PXDNL: variants seen among roughly 807,000 people sequenced by gnomAD.
The protein encoded by PXDNL is probable oxidoreductase PXDNL.
Under a neutral mutation model 150.8 loss-of-function variants are expected in PXDNL, and 145 were observed. That is an observed-to-expected ratio of 0.96 (90% confidence interval 0.84 to 1.10). The LOEUF is 1.10. Ranked by LOEUF, PXDNL falls within the 50% of genes least tolerant of loss-of-function variation. PXDNL has a pLI of 0.00. For synonymous variants in PXDNL, 757 were observed against 725.7 expected (o/e 1.04, Z -0.69); for missense variants, 2,087 against 1,873.9 (o/e 1.11, Z -2.10).
intron 5 of PXDNL, among the ~76,000 whole-genome samples, chr8:51,494,746 T>C (rs1811003499): frequency 2.0e-5 from 3 of 151,976 alleles, no homozygotes; most frequent in South Asian, 4.1e-4. Flanking sequence ...TAAATATATA[T>C]GCACCCAATA....
intron 17 of PXDNL, among the ~76,000 whole-genome samples, chr8:51,400,939 C>G (rs1808228443): frequency 6.6e-6 from 1 of 152,142 alleles, no homozygotes; most frequent in Admixed American, 6.6e-5. Context: ...GAATAATTTT[C>G]AAATCAAAGC....
At chr8:51,712,465 T>C (rs531637507) in intron 1 of PXDNL, among the ~76,000 whole-genome samples, 1 of 152,242 alleles carries the variant, frequency 6.6e-6, no homozygotes, top group African/African-American at 2.4e-5. Context: ...TTTCTCTCTC[T>C]GCTAAAATGT....
chr8:51,482,176 A>G (rs1279681966), intron 6 of PXDNL, among the ~76,000 whole-genome samples: 1 of 152,230 alleles, frequency 6.6e-6, no homozygotes, highest in Non-Finnish European at 1.5e-5. Flanking sequence ...ATGGGAGCCC[A>G]TCTCTTCCAT....
chr8:51,512,049 T>C (rs1439260696), intron 4 of PXDNL, among the ~76,000 whole-genome samples: 1 of 152,160 alleles, frequency 6.6e-6, no homozygotes, highest in Admixed American at 6.5e-5. Context: ...CCGTGAACAA[T>C]GCTCGACAGA....
chr8:51,689,729 C>T (rs940397237), intron 1 of PXDNL, among the ~76,000 whole-genome samples: 3 of 152,090 alleles, frequency 2.0e-5, no homozygotes, highest in Admixed American at 6.5e-5. Flanking sequence ...ACTTTGATTC[C>T]GGTAATATAA....
Position 51,540,115 on chromosome 8 carries a change from C to T in PXDNL, c.380+16725G>A, listed in dbSNP as rs7005112. On this transcript the variant is annotated intron_variant, in intron 4 of 22. Coordinates refer to ENST00000356297, the MANE Select transcript of PXDNL (RefSeq NM_144651.5). ...ATTTCTCCATGTTGGCCAGGCTGGT[C>T]TCGAACTCCTGGCCTCAAGTGATCC... is the stretch of plus-strand genomic sequence containing the variant. Among the ~76,000 whole-genome samples, 1,023 of 152,170 alleles carry T rather than the reference C, an allele frequency of 6.7e-3. 8 individuals carry two copies. The highest frequency in any genetic ancestry group is 0.024 in the South Asian group (116 of 4,812).
At chr8:51,463,078 T>C (rs141834642) in intron 8 of PXDNL, among the ~76,000 whole-genome samples, 87 of 152,258 alleles carry the variant, frequency 5.7e-4, no homozygotes, top group African/African-American at 1.9e-3. Flanking sequence ...GACAAGCAAA[T>C]GTTAAGAGAA....
chr8:51,616,459 G>A (rs1481872007), intron 2 of PXDNL, among the ~76,000 whole-genome samples: 1 of 152,110 alleles, frequency 6.6e-6, no homozygotes, highest in East Asian at 1.9e-4. Context: ...AAAATACACA[G>A]AAACACACAC....
At chr8:51,713,910 T>C (rs1428404175) in intron 1 of PXDNL, among the ~76,000 whole-genome samples, 1 of 152,148 alleles carries the variant, frequency 6.6e-6, no homozygotes, top group East Asian at 1.9e-4. Flanking sequence ...ATCTTACCTT[T>C]CCTCCCTATC....
At position 51,475,155 on chromosome 8, in the gene PXDNL, C is replaced by T; in HGVS notation, c.525-14G>A. The T allele has an allele frequency of 6.2e-7, 1 of 1,607,002 alleles. No individual in the cohort carries two copies. The highest frequency in any genetic ancestry group is 1.1e-5 in the South Asian group (1 of 90,848). ...GAATCCAGACGCCTAGGCATGCAGG[C>T]AAGAAGTACAACTGTTAAAAGGGAC... On this transcript the variant is annotated splice_polypyrimidine_tract_variant and intron_variant, in intron 6 of 22. Coordinates refer to ENST00000356297, the MANE Select transcript of PXDNL (RefSeq NM_144651.5).
At chr8:51,486,267 G>A (rs1293605398) in intron 5 of PXDNL, among the ~76,000 whole-genome samples, 1 of 152,138 alleles carries the variant, frequency 6.6e-6, no homozygotes, top group Non-Finnish European at 1.5e-5. Flanking sequence ...AGCAAGGTAT[G>A]TAAATATTGA....
chr8:51,453,590 T>A lies in PXDNL; in HGVS notation c.1178A>T (p.His393Leu), dbSNP rs576747928. ...GTTGGCATGACAGGTAAATCGACCA[T>A]GATCCCGTTGTGTGATGTTCTGTAA... ...LYLQNITQRD[H>L]GRFTCHANNS... Residue 393 changes from histidine (H) to leucine (L), a missense_variant, in exon 10 of 23, where the codon CAT becomes CTT. Coordinates refer to ENST00000356297, the MANE Select transcript of PXDNL (RefSeq NM_144651.5). The A allele has an allele frequency of 8.1e-6, 13 of 1,614,050 alleles. No individual in the cohort carries two copies. In the Middle Eastern group the frequency reaches 4.9e-4, roughly 61 times the overall value.
intron 12 of PXDNL, among the ~76,000 whole-genome samples, chr8:51,433,267 T>C (rs1809303776): frequency 1.3e-5 from 2 of 150,360 alleles, no homozygotes; most frequent in Non-Finnish European, 3.0e-5. Flanking sequence ...TTCTAACATT[T>C]CATCTTTAAA....
intron 4 of PXDNL, among the ~76,000 whole-genome samples, chr8:51,507,534 A>G (rs1032694163): frequency 6.6e-6 from 1 of 152,244 alleles, no homozygotes; most frequent in Admixed American, 6.5e-5. Context: ...CCTTAAAGAT[A>G]TAAGGACACA....
intron 4 of PXDNL, among the ~76,000 whole-genome samples, chr8:51,529,893 T>C (rs1811856327): frequency 6.6e-6 from 1 of 152,196 alleles, no homozygotes. Context: ...GTAAGAAGTG[T>C]AGCAGCATCC....
intron 4 of PXDNL, among the ~76,000 whole-genome samples, chr8:51,551,744 C>T (rs1315242139): frequency 1.3e-5 from 2 of 152,174 alleles, no homozygotes; most frequent in South Asian, 2.1e-4. Context: ...ATTGTAAAAA[C>T]TCTTCTAGAC....
Position 51,423,694 on chromosome 8 carries a change from A to G in PXDNL, c.1676T>C (p.Val559Ala), listed in dbSNP as rs774510073. Reference protein sequence around the residue: ...VQITESGKFHVDDEGTLTIYD... With the variant: ...VQITESGKFHADDEGTLTIYD... ...GATAGTCAGCGTGCCTTCATCATCC[A>G]CATGGAATTTACCACTCTCAGTAAT... is the stretch of plus-strand genomic sequence containing the variant. Residue 559 changes from valine (V) to alanine (A), a missense_variant, in exon 14 of 23, where the codon GTG becomes GCG. Val to Ala is a moderately conservative substitution (Grantham distance 64, BLOSUM62 0). Coordinates refer to ENST00000356297, the MANE Select transcript of PXDNL (RefSeq NM_144651.5). 7 of 1,613,898 alleles carry G rather than the reference A, an allele frequency of 4.3e-6. No individual in the cohort carries two copies. In the Admixed American group the frequency reaches 8.3e-5, roughly 19 times the overall value.
At chr8:51,376,751 C>T (rs1413468892) in intron 17 of PXDNL, among the ~76,000 whole-genome samples, 2 of 151,086 alleles carry the variant, frequency 1.3e-5, no homozygotes, top group Non-Finnish European at 2.9e-5. Context: ...CGGAGTCTTA[C>T]TCTGTCCCCC....
rs1189756119 is a variant in PXDNL, at chr8:51,809,431, G to A, written c.-87C>T. On this transcript the variant is annotated 5_prime_UTR_variant, in exon 1 of 23. Transcript: ENST00000356297. ...CAGCAGCAACCGCAGTGGTGGTGAT[G>A]GTGGCTGCTGGACTGAGCCAAGTTT... 1.0e-5 allele frequency: 14 copies of A among 1,353,156 alleles called. No homozygotes were observed. Among genetic ancestry groups the A allele is most frequent in the South Asian group, 4.5e-5 (3 of 66,056 alleles). The allele number at this position is 1,353,156 out of a possible 1,614,324, so 83.8% of individuals were successfully genotyped here. A position where few individuals can be genotyped will look rare whatever the true frequency, so the allele number is the denominator to read the frequency against.
Sources: gnomAD v4.1 joint callset for allele counts (sites outside exome capture counted in the v4.1 genomes callset) on GRCh38, gnomAD v4.1.1 for gene constraint, MANE v1.5 for transcripts, NCBI Gene and HGNC (gene_info 2026-07-23, HGNC 2026-07-21) for gene names.